SPC25: variants seen among roughly 807,000 people sequenced by gnomAD.
SPC25 encodes the protein SPC25 component of NDC80 kinetochore complex.
A neutral mutation model predicts 29.6 loss-of-function variants in SPC25; 22 were observed. The ratio of observed to expected loss-of-function variants is 0.74; its 90% CI spans 0.53 to 1.06. SPC25 has a LOEUF of 1.06. Ranked by LOEUF, SPC25 falls within the 50% of genes least tolerant of loss-of-function variation. The pLI is 0.00. For synonymous variants in SPC25, 91 were observed against 90.4 expected, an observed-to-expected ratio of 1.01 and a Z score of -0.04; for missense variants, 230 against 255.8, an observed-to-expected ratio of 0.90 and a Z score of 0.69.
downstream of SPC25, among the ~76,000 whole-genome samples, chr2:168,869,659 A>T (rs1162414650): frequency 6.6e-6 from 1 of 152,226 alleles, no homozygotes; most frequent in East Asian, 1.9e-4. Flanking sequence ...AGGGATGTGA[A>T]GGACCTCTTC....
At chr2:168,869,644 T>C (rs1689940774), downstream of SPC25, among the ~76,000 whole-genome samples, 1 of 152,072 alleles carries the variant, frequency 6.6e-6, no homozygotes, top group Admixed American at 6.6e-5. Context: ...GGAATCCAAC[T>C]TACAAGGGAT....
At chr2:168,875,078 A>C (rs557630001) in intron 5 of SPC25, among the ~76,000 whole-genome samples, 2 of 152,334 alleles carry the variant, frequency 1.3e-5, no homozygotes, top group African/African-American at 4.8e-5. Flanking sequence ...GTTTTAGCCT[A>C]CTAATTCCTC....
At chr2:168,881,345 T>C (rs1690174683) in intron 3 of SPC25, among the ~76,000 whole-genome samples, 1 of 152,174 alleles carries the variant, frequency 6.6e-6, no homozygotes, top group Non-Finnish European at 1.5e-5. Context: ...AAAACAACAA[T>C]GCCTGTGCAT....
At position 168,890,403 on chromosome 2, in the gene SPC25, C is replaced by T. The variant is rs968007345; in HGVS notation, c.-100G>A. 5.1e-6 allele frequency: 5 copies of T among 985,388 alleles called. No homozygotes were observed. The highest frequency in any genetic ancestry group is 4.7e-5 in the South Asian group (1 of 21,296). 61.0% of individuals were successfully genotyped at this position (985,388 alleles called of 1,614,324 possible). On this transcript the variant is annotated 5_prime_UTR_variant, in exon 1 of 7. Transcript: ENST00000282074. ...CAACAGCCGGACTCTAGGCTCAGCT[C>T]CCGCAGCCCCGCCAACTTTCCGATT...
chr2:168,885,956 A>G (rs1423910843), intron 3 of SPC25, among the ~76,000 whole-genome samples: 1 of 152,086 alleles, frequency 6.6e-6, no homozygotes, highest in African/African-American at 2.4e-5. Context: ...ATGGTTAGCT[A>G]TTAAATATCC....
intron 4 of SPC25, 47 bp downstream of exon 4, chr2:168,877,190 GT>G (rs1472449961): frequency 6.3e-7 from 1 of 1,594,768 alleles, no homozygotes; most frequent in Admixed American, 1.7e-5. Flanking sequence ...AAGGTGAACC[GT>G]CACCACTTTC....
Position 168,861,861 on chromosome 2 carries a change from T to C in SPC25, n.419+11724A>G. 4 of 1,082,306 alleles carry C rather than the reference T, an allele frequency of 3.7e-6. No individual in the cohort carries two copies. In the Admixed American group the frequency reaches 6.8e-5, roughly 18 times the overall value. The allele number at this position is 1,082,306 out of a possible 1,614,324, so 67.0% of individuals were successfully genotyped here. On this transcript the variant is annotated intron_variant and non_coding_transcript_variant, in intron 4 of 4. Transcript: ENST00000479309. ...TTCCTTTTGAGAAAAATTTAATATATTGAAACTCTGCATCACACTGTTAAA... is the reference window on the plus strand; with the variant it reads ...TTCCTTTTGAGAAAAATTTAATATACTGAAACTCTGCATCACACTGTTAAA...
At chr2:168,863,643 T>A (rs1271994052) in intron 4 of SPC25, 3 of 969,514 alleles carry the variant, frequency 3.1e-6, no homozygotes, top group South Asian at 9.9e-5. Flanking sequence ...ACATTTTGAA[T>A]GGGGAGTTAC....
At chr2:168,861,729 TTATAATA>T (rs145171469) in intron 4 of SPC25, among the ~76,000 whole-genome samples, 1 of 152,242 alleles carries the variant, frequency 6.6e-6, no homozygotes, top group African/African-American at 2.4e-5. Flanking sequence ...ATTTCATGTA[TTATAATA>T]TAGTTTTTGG....
downstream of SPC25, among the ~76,000 whole-genome samples, chr2:168,867,226 A>G (rs556860127): frequency 2.0e-5 from 3 of 152,318 alleles, no homozygotes; most frequent in East Asian, 5.8e-4. Context: ...GAACCAACCC[A>G]AATGTCCAAC....
At chr2:168,874,307 A>G (rs570083997) in intron 5 of SPC25, among the ~76,000 whole-genome samples, 1 of 152,338 alleles carries the variant, frequency 6.6e-6, no homozygotes, top group African/African-American at 2.4e-5. Flanking sequence ...CCACTGTGAA[A>G]AACAGTTTGG....
Position 168,889,058 on chromosome 2 carries a change from CAT to C in SPC25, c.199+166_199+167del, listed in dbSNP as rs571952905. Among the ~76,000 whole-genome samples, 637 of 116,650 alleles carry C rather than the reference CAT, an allele frequency of 5.5e-3. 9 individuals carry two copies. The highest frequency in any genetic ancestry group is 0.017 in the African/African-American group (461 of 27,704). The allele number at this position is 116,650 out of a possible 152,430, so 76.5% of individuals were successfully genotyped here. A position where few individuals can be genotyped will look rare whatever the true frequency, so the allele number is the denominator to read the frequency against. On this transcript the variant is annotated intron_variant, in intron 3 of 6. Coordinates refer to ENST00000282074, the MANE Select transcript of SPC25 (RefSeq NM_020675.4). Reference sequence around the variant, plus strand: ...ACATATATATATACACATATATATACATATATATATACACATATATATACATA... The same window carrying C: ...ACATATATATATACACATATATATACATATATATACACATATATATACATA...
chr2:168,869,450 A>G (rs954020166), downstream of SPC25, among the ~76,000 whole-genome samples: 2 of 152,242 alleles, frequency 1.3e-5, no homozygotes, highest in Non-Finnish European at 2.9e-5. Flanking sequence ...TTGTATATCT[A>G]GAAAACCCCA....
intron 3 of SPC25, chr2:168,884,739 G>T (rs1690233331): frequency 6.6e-6 from 1 of 152,148 alleles, no homozygotes; most frequent in Non-Finnish European, 1.5e-5. Context: ...GTAATGCTCT[G>T]AAGATGAGTA....
chr2:168,865,582 C>CCACT (rs1644452117), intron 4 of SPC25: 1 of 152,402 alleles, frequency 6.6e-6, no homozygotes, highest in African/African-American at 2.4e-5. Flanking sequence ...TGTCCTCTCA[C>CCACT]CACTCCTATT....
At chr2:168,868,546 T>A (rs1559151224), downstream of SPC25, among the ~76,000 whole-genome samples, 1 of 152,018 alleles carries the variant, frequency 6.6e-6, no homozygotes, top group Non-Finnish European at 1.5e-5. Context: ...CCCACAGAAA[T>A]ACAAACTACC....
Position 168,871,448 on chromosome 2 carries a change from C to A in SPC25, c.658G>T (p.Ala220Ser). The change falls in exon 7 of 7, where the codon GCC becomes TCC. Residue 220 changes from alanine to serine, a missense_variant. Physicochemically the swap from Ala to Ser is moderately conservative, Grantham distance 99 (BLOSUM62 1). Coordinates refer to ENST00000282074, the MANE Select transcript of SPC25 (RefSeq NM_020675.4). ...FLANVRKAFTATVYN is the reference protein window; with the variant it reads ...FLANVRKAFTSTVYN ...TTTGTATGTTAATTATAAACCGTGG[C>A]AGTAAAAGCTTTCCGAACATTGGCA... 1 of 1,606,002 alleles carries A rather than the reference C, an allele frequency of 6.2e-7. No homozygotes were observed. The highest frequency in any genetic ancestry group is 8.5e-7 in the Non-Finnish European group (1 of 1,176,988).
chr2:168,876,074 T>A lies in SPC25; in HGVS notation c.449A>T (p.Tyr150Phe), dbSNP rs749495573. 6.6e-7 allele frequency: 1 copy of A among 1,516,796 alleles called. No individual in the cohort carries two copies. Among genetic ancestry groups the A allele is most frequent in the Non-Finnish European group, 8.8e-7 (1 of 1,137,042 alleles). 94.0% of individuals were successfully genotyped at this position (1,516,796 alleles called of 1,614,324 possible). ...TTTATTTATATTAACAAACTTACCA[T>A]AAATTTTTCGAATTTCTAGTCCAAG... The part of the protein sequence containing the change: ...DRLGLEIRKI[Y>F]GEKLQFIFTN... The change falls in exon 5 of 7, where the codon TAT becomes TTT. Residue 150 changes from tyrosine (Y) to phenylalanine (F), a missense_variant and splice_region_variant. By Grantham distance (22) the Tyr-to-Phe change is conservative. Transcript: ENST00000282074.
Position 168,878,972 on chromosome 2 carries a change from T to C in SPC25, c.200-1588A>G, listed in dbSNP as rs547932026. On this transcript the variant is annotated intron_variant, in intron 3 of 6. Transcript: ENST00000282074. ...TTATTTTACACTATATTGTAGTCTATTAAGCGTGCAATAGCATTATGGCTA... is the reference window on the plus strand; with the variant it reads ...TTATTTTACACTATATTGTAGTCTACTAAGCGTGCAATAGCATTATGGCTA... 1.5e-4 allele frequency among the ~76,000 whole-genome samples: 23 copies of C among 152,358 alleles called. No individual in the cohort carries two copies. In the South Asian group the frequency reaches 1.7e-3, roughly 11 times the overall value.
Sources: allele counts gnomAD v4.1 joint callset (sites outside exome capture counted in the v4.1 genomes callset), GRCh38; gene constraint gnomAD v4.1.1; transcripts MANE v1.5; gene names NCBI Gene and HGNC (gene_info 2026-07-23, HGNC 2026-07-21).